Variants in PDHX observed in about 807,000 individuals in gnomAD.
The protein encoded by PDHX is pyruvate dehydrogenase complex component X.
PDHX carries 33 observed loss-of-function variants against 55.3 expected under a neutral mutation model. The ratio of observed to expected loss-of-function variants is 0.60; its 90% CI spans 0.45 to 0.80. PDHX has a LOEUF of 0.80. Ranked by LOEUF, PDHX falls within the 30% of genes least tolerant of loss-of-function variation. The pLI, the probability that PDHX is intolerant of heterozygous loss-of-function variation, is 0.00. For missense variants in PDHX, 622 were observed against 619.9 expected, an observed-to-expected ratio of 1.00 and a Z score of -0.04; for synonymous variants, 226 against 219.4, an observed-to-expected ratio of 1.03 and a Z score of -0.27.
chr11:34,944,120 AATT>A lies in PDHX; in HGVS notation c.242-3376_242-3374del, dbSNP rs559627749. Among the ~76,000 whole-genome samples, 763 of 149,662 alleles carry A rather than the reference AATT, an allele frequency of 5.1e-3. 7 individuals carry two copies. The highest frequency in any genetic ancestry group is 0.018 in the African/African-American group (720 of 40,952). On this transcript the variant is annotated intron_variant, in intron 2 of 10. Coordinates refer to ENST00000227868, the MANE Select transcript of PDHX (RefSeq NM_003477.3). ...ATATATATATAAAATATATTTATAT[AATT>A]ATTATTATTTTTTAGACAGAGTTTT...
At chr11:34,916,213 T>G (rs1410574793), upstream of PDHX, 2 of 1,607,116 alleles carry the variant, frequency 1.2e-6, no homozygotes, top group Admixed American at 1.7e-5. Flanking sequence ...CGGGCACCGG[T>G]GGCCCCGCCC....
chr11:34,933,933 TTAA>T (rs1854239242), intron 2 of PDHX, among the ~76,000 whole-genome samples: 1 of 152,060 alleles, frequency 6.6e-6, no homozygotes, highest in Admixed American at 6.6e-5. Context: ...AGAAAAAAAA[TTAA>T]TAATAATTGG....
rs760454961 is a variant in PDHX at position 34,995,057 on chromosome 11, G to A, written c.1391G>A (p.Arg464His). 8 of 1,613,930 alleles carry A rather than the reference G, an allele frequency of 5.0e-6. No individual in the cohort carries two copies. The highest frequency in any genetic ancestry group is 2.2e-5 in the South Asian group (2 of 91,092). Residue 464 changes from arginine (R) to histidine (H), a missense_variant, in exon 11 of 11, where the codon CGC becomes CAC. Transcript: ENST00000227868. The stretch of plus-strand genomic sequence containing the variant: ...GAGGGAAATGCCAAACTGCAGCAGC[G>A]CCAGCTCATAACAGTCACAATGTCA... ...DEEGNAKLQQ[R>H]QLITVTMSSD...
At chr11:34,941,684 C>T (rs1854487606) in intron 2 of PDHX, among the ~76,000 whole-genome samples, 1 of 152,206 alleles carries the variant, frequency 6.6e-6, no homozygotes, top group Non-Finnish European at 1.5e-5. Flanking sequence ...AGCCTCAGGA[C>T]TTATTCTATT....
chr11:34,957,361 A>T, intron 3 of PDHX, 23 bp from the exon 4 acceptor site: 3 of 1,470,802 alleles, frequency 2.0e-6, no homozygotes, highest in Non-Finnish European at 2.9e-6. Flanking sequence ...ACTTCTCTAC[A>T]GTTACTTCTT....
chr11:34,939,462 A>G (rs1192139582), intron 2 of PDHX, among the ~76,000 whole-genome samples: 3 of 121,300 alleles, frequency 2.5e-5, no homozygotes, highest in Non-Finnish European at 5.0e-5. Flanking sequence ...AGCTTCTTTT[A>G]CTAATGGTGT....
In PDHX at chr11:34,995,226, A is replaced by T. The variant is rs1564937233; in HGVS notation, c.*54A>T. 5.1e-6 allele frequency: 8 copies of T among 1,580,706 alleles called. No homozygotes were observed. The highest frequency in any genetic ancestry group is 6.9e-6 in the Non-Finnish European group (8 of 1,151,358). On this transcript the variant is annotated 3_prime_UTR_variant, in exon 11 of 11. Coordinates refer to ENST00000227868, the MANE Select transcript of PDHX (RefSeq NM_003477.3). ...CTTAGTTGATTCAGTAGTTGTTACC[A>T]AGAAACATATGTTATAGGAAAACAA...
rs147985165 is a variant in PDHX, at chr11:34,937,256, TCTAAACA to T, written c.241+5773_241+5779del. ...TGAGAACTCCTAATCAATGTGATAATCTAAACAGATGGGGTAAAGCATCTGCTCTCTA... is the reference window on the plus strand; with the variant it reads ...TGAGAACTCCTAATCAATGTGATAATGATGGGGTAAAGCATCTGCTCTCTA... On this transcript the variant is annotated intron_variant, in intron 2 of 10. Coordinates refer to ENST00000227868, the MANE Select transcript of PDHX (RefSeq NM_003477.3). Among the ~76,000 whole-genome samples the T allele has an allele frequency of 4.0e-3, 609 of 152,190 alleles. 4 individuals are homozygous for T. The highest frequency in any genetic ancestry group is 0.014 in the African/African-American group (587 of 41,506).
chr11:34,973,116 C>CTAT (rs1327166673), intron 7 of PDHX, among the ~76,000 whole-genome samples: 1 of 152,068 alleles, frequency 6.6e-6, no homozygotes, highest in East Asian at 1.9e-4. Context: ...TCCTGAAGAT[C>CTAT]TATTATTGGC....
chr11:34,918,224 C>G (rs1168252634), intron 1 of PDHX, among the ~76,000 whole-genome samples: 5 of 151,648 alleles, frequency 3.3e-5, no homozygotes, highest in Non-Finnish European at 7.4e-5. Flanking sequence ...ATTGCTAGAG[C>G]CCAGGAGTTG....
Position 34,995,544 on chromosome 11 carries a change from C to G in PDHX, c.*372C>G, listed in dbSNP as rs1855842701. 1.0e-5 allele frequency: 3 copies of G among 298,962 alleles called. No homozygotes were observed. Among genetic ancestry groups the G allele is most frequent in the Non-Finnish European group, 1.9e-5 (3 of 154,556 alleles). The allele number at this position is 298,962 out of a possible 1,614,324, so 18.5% of individuals were successfully genotyped here. On this transcript the variant is annotated 3_prime_UTR_variant, in exon 11 of 11. Coordinates refer to ENST00000227868, the MANE Select transcript of PDHX (RefSeq NM_003477.3). ...TGTAAAATTAAAAAAACTATTAGAA[C>G]TGTACCATAATTATGTTGAAGGTAG...
In PDHX at chr11:34,978,152, TATC is replaced by T. The variant is rs772751309; in HGVS notation, c.998_1000del (p.Ile333del). On this transcript the variant is annotated inframe_deletion, in exon 8 of 11. Transcript: ENST00000227868. ...ACATTAAAGTATCAGTAAATGATTT[TATC>T]ATCAAGGCAGCAGCTGTTACCCTTA... The T allele has an allele frequency of 6.4e-7, 1 of 1,573,900 alleles. No individual in the cohort carries two copies. The highest frequency in any genetic ancestry group is 1.1e-5 in the South Asian group (1 of 89,908).
intron 2 of PDHX, among the ~76,000 whole-genome samples, chr11:34,936,112 A>G (rs1223053303): frequency 1.3e-5 from 2 of 152,184 alleles, no homozygotes; most frequent in Non-Finnish European, 2.9e-5. Flanking sequence ...ACACTAGCCA[A>G]ATGAGCTGGG....
upstream of PDHX, chr11:34,916,086 G>C: frequency 1.8e-6 from 2 of 1,108,300 alleles, no homozygotes; most frequent in Non-Finnish European, 2.5e-6. Context: ...GTCGCGGTGC[G>C]CCGGGGTAGC....
At chr11:34,977,611 A>G (rs1434594842) in intron 7 of PDHX, among the ~76,000 whole-genome samples, 1 of 152,090 alleles carries the variant, frequency 6.6e-6, no homozygotes, top group African/African-American at 2.4e-5. Flanking sequence ...GAAATTTTCG[A>G]ACACTTTCCC....
At chr11:34,958,001 C>T (rs7119807) in intron 4 of PDHX, among the ~76,000 whole-genome samples, 15,325 of 152,124 alleles carry the variant, frequency 0.1, 1,617 homozygotes, top group African/African-American at 0.27. Flanking sequence ...TTTTAACATG[C>T]ATTCGTTTTC....
chr11:34,972,662 G>T (rs1855282597), intron 7 of PDHX, among the ~76,000 whole-genome samples: 1 of 151,866 alleles, frequency 6.6e-6, no homozygotes, highest in African/African-American at 2.4e-5. Context: ...GCCTCCCAAA[G>T]TGCTGAAATT....
intron 8 of PDHX, among the ~76,000 whole-genome samples, chr11:34,983,656 A>G (rs1330149473): frequency 6.6e-6 from 1 of 151,752 alleles, no homozygotes; most frequent in Non-Finnish European, 1.5e-5. Context: ...CCAAATCATG[A>G]GTGAACTCCC....
chr11:34,975,949 C>G (rs975157094), intron 7 of PDHX, among the ~76,000 whole-genome samples: 22 of 152,026 alleles, frequency 1.4e-4, no homozygotes, highest in Admixed American at 5.2e-4. Flanking sequence ...GTTCAAGGAA[C>G]TAAATGGAAA....
Sources: allele counts gnomAD v4.1 joint callset (sites outside exome capture counted in the v4.1 genomes callset), GRCh38; gene constraint gnomAD v4.1.1; transcripts MANE v1.5; gene names NCBI Gene and HGNC (gene_info 2026-07-23, HGNC 2026-07-21).